The following MECOM variants were observed in gnomAD, a reference collection of about 807,000 sequenced individuals.
The protein encoded by MECOM is histone-lysine N-methyltransferase MECOM.
In MECOM, 13 loss-of-function variants were observed where a neutral mutation model predicts 116.3. The ratio of observed to expected loss-of-function variants is 0.11; its 90% CI spans 0.07 to 0.18. The LOEUF is 0.18. MECOM is among the 10% of genes least tolerant of loss of function. MECOM has a pLI of 1.00. For missense variants in MECOM, 1,299 were observed against 1,509.0 expected (o/e 0.86, Z 2.31); for synonymous variants, 528 against 535.2 (o/e 0.99, Z 0.19).
Position 169,178,096 on chromosome 3 carries a change from AG to A in MECOM, c.376-34265del, listed in dbSNP as rs201772505. Reference sequence around the variant, plus strand: ...TATTTTATTCTCCTACATAGCCTTTAGCAATCAGCATAGTGCCTGACACAGT... The same window carrying A: ...TATTTTATTCTCCTACATAGCCTTTACAATCAGCATAGTGCCTGACACAGT... On this transcript the variant is annotated intron_variant, in intron 2 of 16. Transcript: ENST00000651503. Among the ~76,000 whole-genome samples, 1,010 of 152,302 alleles carry A rather than the reference AG, an allele frequency of 6.6e-3. 10 individuals are homozygous for A. The highest frequency in any genetic ancestry group is 0.022 in the African/African-American group (904 of 41,562).
At chr3:169,301,233 G>A (rs1014074660) in intron 2 of MECOM, among the ~76,000 whole-genome samples, 3 of 152,158 alleles carry the variant, frequency 2.0e-5, no homozygotes, top group African/African-American at 7.2e-5. Flanking sequence ...TGTCTAACCT[G>A]AACAGACTTT....
At chr3:169,334,519 G>T (rs576364767) in intron 2 of MECOM, among the ~76,000 whole-genome samples, 116 of 152,170 alleles carry the variant, frequency 7.6e-4, no homozygotes, top group African/African-American at 2.7e-3. Context: ...AACTCCTCAG[G>T]TGATTCCAAC....
chr3:169,631,137 C>T (rs1772030480), intron 1 of MECOM, among the ~76,000 whole-genome samples: 1 of 152,252 alleles, frequency 6.6e-6, no homozygotes, highest in Non-Finnish European at 1.5e-5. Context: ...CTTCAAAGCC[C>T]AGCCTTGCCT....
intron 2 of MECOM, among the ~76,000 whole-genome samples, chr3:169,370,890 G>A (rs963048981): frequency 1.3e-5 from 2 of 151,920 alleles, no homozygotes; most frequent in African/African-American, 4.8e-5. Context: ...GTGGAGAAAA[G>A]GGGCTCTTTA....
Position 169,160,366 on chromosome 3 carries a change from T to A in MECOM, c.376-16534A>T, listed in dbSNP as rs569662133. 8.6e-4 allele frequency among the ~76,000 whole-genome samples: 131 copies of A among 152,076 alleles called. 1 individual carries two copies. Among genetic ancestry groups the A allele is most frequent in the African/African-American group, 3.0e-3 (123 of 41,556 alleles). ...TACGCTAGAAATGATATGTGTTTTT[T>A]AAAATAAACCTTGAACAGAAATTAT... On this transcript the variant is annotated intron_variant, in intron 2 of 16. Coordinates refer to ENST00000651503, the MANE Select transcript of MECOM (RefSeq NM_004991.4).
chr3:169,237,959 G>A (rs995817905), intron 2 of MECOM, among the ~76,000 whole-genome samples: 8 of 152,066 alleles, frequency 5.3e-5, no homozygotes, highest in African/African-American at 1.9e-4. Context: ...GGTGGATCAC[G>A]AGGTAAGGAG....
chr3:169,446,415 AT>A (rs1460826564), intron 1 of MECOM, among the ~76,000 whole-genome samples: 1 of 152,072 alleles, frequency 6.6e-6, no homozygotes, highest in African/African-American at 2.4e-5. Flanking sequence ...CCCTGCCATG[AT>A]TCTGAGGCTT....
At chr3:169,638,922 T>C (rs1257076316) in intron 1 of MECOM, among the ~76,000 whole-genome samples, 1 of 152,104 alleles carries the variant, frequency 6.6e-6, no homozygotes, top group African/African-American at 2.4e-5. Flanking sequence ...CCAGTGGAAT[T>C]TGAGGGGATG....
intron 2 of MECOM, among the ~76,000 whole-genome samples, chr3:169,284,477 T>G (rs1712845358): frequency 6.6e-6 from 1 of 152,052 alleles, no homozygotes; most frequent in African/African-American, 2.4e-5. Flanking sequence ...TTCTCCCCTT[T>G]AACAAATAAT....
rs562081870 is a variant in MECOM, at chr3:169,548,594, C to T, written c.37+114742G>A. 4.3e-4 allele frequency among the ~76,000 whole-genome samples: 66 copies of T among 152,198 alleles called. 1 individual carries two copies. The highest frequency in any genetic ancestry group is 1.5e-3 in the African/African-American group (62 of 41,524). ...TCCTTGTTTTTTCCTTTATTCAGGCCGATAGTTTGATGACTTGAGAGGCAT... is the reference window on the plus strand; with the variant it reads ...TCCTTGTTTTTTCCTTTATTCAGGCTGATAGTTTGATGACTTGAGAGGCAT... On this transcript the variant is annotated intron_variant, in intron 1 of 16. Transcript: ENST00000651503.
intron 1 of MECOM, among the ~76,000 whole-genome samples, chr3:169,659,072 CAAA>C (rs199570807): frequency 4.8e-5 from 4 of 83,546 alleles, no homozygotes; most frequent in African/African-American, 1.4e-4. Context: ...CCTTCAACTC[CAAA>C]AAAAAAAAAA....
Position 169,630,157 on chromosome 3 carries a change from G to A in MECOM, c.37+33179C>T, listed in dbSNP as rs114425052. On this transcript the variant is annotated intron_variant, in intron 1 of 16. Coordinates refer to ENST00000651503, the MANE Select transcript of MECOM (RefSeq NM_004991.4). ...CTCCCTGTCATGACCCCCTGCTGCC[G>A]TTACAAAGTCATTAGCATCTACTGT... Among the ~76,000 whole-genome samples the A allele has an allele frequency of 7.9e-5, 12 of 152,246 alleles. No homozygotes were observed. The East Asian group carries it at 2.1e-3, about 27-fold the overall frequency.
chr3:169,364,607 T>C (rs1414536125), intron 2 of MECOM, among the ~76,000 whole-genome samples: 1 of 152,002 alleles, frequency 6.6e-6, no homozygotes, highest in Non-Finnish European at 1.5e-5. Flanking sequence ...GTGAAATTTA[T>C]TATGATGGCA....
At chr3:169,494,190 A>C (rs572485713) in intron 1 of MECOM, among the ~76,000 whole-genome samples, 1 of 152,106 alleles carries the variant, frequency 6.6e-6, no homozygotes, top group Admixed American at 6.5e-5. Flanking sequence ...GGACAATCTC[A>C]GTTTTTATTA....
chr3:169,378,466 C>CGAGCGAGCGAGA (rs1731611292), intron 2 of MECOM, among the ~76,000 whole-genome samples: 1 of 44,868 alleles, frequency 2.2e-5, no homozygotes, highest in South Asian at 7.0e-4. Context: ...AGCAAGCAAG[C>CGAGCGAGCGAGA]AAGCAAGCAA....
chr3:169,395,195 A>G (rs1734838746), intron 1 of MECOM, among the ~76,000 whole-genome samples: 1 of 152,204 alleles, frequency 6.6e-6, no homozygotes, highest in African/African-American at 2.4e-5. Context: ...CCACTAGACT[A>G]TAAGGGGATG....
chr3:169,482,918 A>T (rs1751551052), intron 1 of MECOM, among the ~76,000 whole-genome samples: 1 of 152,224 alleles, frequency 6.6e-6, no homozygotes, highest in Non-Finnish European at 1.5e-5. Context: ...AAAGTACATA[A>T]CAATACATAT....
At chr3:169,098,180 T>C (rs1722344437) in intron 12 of MECOM, among the ~76,000 whole-genome samples, 1 of 152,168 alleles carries the variant, frequency 6.6e-6, no homozygotes, top group Non-Finnish European at 1.5e-5. Context: ...ATTGATGCAA[T>C]ACTATTAACT....
At position 169,158,323 on chromosome 3, in the gene MECOM, T is replaced by C. The variant is rs576616447; in HGVS notation, c.376-14491A>G. Among the ~76,000 whole-genome samples the C allele has an allele frequency of 2.6e-5, 4 of 152,188 alleles. No homozygotes were observed. The South Asian group carries it at 8.3e-4, about 32-fold the overall frequency. On this transcript the variant is annotated intron_variant, in intron 2 of 16. Coordinates refer to ENST00000651503, the MANE Select transcript of MECOM (RefSeq NM_004991.4). ...TAAAATATATTTTGCTGAATTTTAA[T>C]CTTGGAAAACACAGTGAAGTCACAA... is the stretch of plus-strand genomic sequence containing the variant.
Sources: gnomAD v4.1 joint callset for allele counts (sites outside exome capture counted in the v4.1 genomes callset) on GRCh38, gnomAD v4.1.1 for gene constraint, MANE v1.5 for transcripts, NCBI Gene and HGNC (gene_info 2026-07-23, HGNC 2026-07-21) for gene names.